The following PROSER2 variants were observed in gnomAD, a reference collection of about 807,000 sequenced individuals.
PROSER2 encodes the protein proline and serine rich 2.
In PROSER2, 18 loss-of-function variants were observed where a neutral mutation model predicts 14.6. The observed-to-expected ratio is 1.23, with a 90% CI of 0.85 to 1.83. The LOEUF (loss-of-function observed/expected upper bound fraction) is 1.83. PROSER2 is among the 40% of genes most tolerant of loss of function. The pLI is 0.00. For synonymous variants in PROSER2, 367 were observed against 286.4 expected (o/e 1.28, Z -2.84); for missense variants, 823 against 629.8 (o/e 1.31, Z -3.28).
At chr10:11,845,027 TA>T (rs1833903648) in intron 1 of PROSER2, among the ~76,000 whole-genome samples, 1 of 152,192 alleles carries the variant, frequency 6.6e-6, no homozygotes, top group African/African-American at 2.4e-5. Context: ...TTTTTGTTAT[TA>T]CAGACAATCC....
chr10:11,849,995 G>A (rs139789694), intron 1 of PROSER2: 2 of 152,416 alleles, frequency 1.3e-5, no homozygotes, highest in African/African-American at 4.8e-5. Flanking sequence ...TTCAGCAGAT[G>A]TGGCCCTGGA....
In PROSER2 at chr10:11,836,003, T is replaced by C. The variant is rs991360134; in HGVS notation, c.-82+12533T>C. Among the ~76,000 whole-genome samples, 2 of 152,020 alleles carry C rather than the reference T, an allele frequency of 1.3e-5. No homozygotes were observed. The highest frequency in any genetic ancestry group is 1.3e-4 in the Admixed American group (2 of 15,268). On this transcript the variant is annotated intron_variant, in intron 1 of 3. Coordinates refer to ENST00000277570, the MANE Select transcript of PROSER2 (RefSeq NM_153256.4). This position sits in a 1 kb window ranked among gnomAD's most constrained non-coding sequence, Gnocchi z 4.6. ...TTTTGAAAAGGGCTTGGCTGTTAAG[T>C]CACCATATAGGGATTTTGGGGGGAT...
intron 2 of PROSER2, among the ~76,000 whole-genome samples, chr10:11,864,915 C>T (rs1834317006): frequency 6.6e-6 from 1 of 152,096 alleles, no homozygotes; most frequent in South Asian, 2.1e-4. Context: ...TTGTATGTGA[C>T]CTGCTTTTTC....
rs1239596201 is a variant in PROSER2, at chr10:11,870,141, C to A, written c.1043C>A (p.Ala348Glu). Residue 348 changes from alanine to glutamate, a missense_variant, in exon 4 of 4, where the codon GCG becomes GAG. Ala to Glu is a moderately radical substitution (Grantham distance 107). Coordinates refer to ENST00000277570, the MANE Select transcript of PROSER2 (RefSeq NM_153256.4). ...GPALANGFPS[A>E]HEALKSAPSS... ...GCGCTGGCCAACGGCTTCCCAAGTG[C>A]GCACGAGGCCCTGAAGAGCGCACCC... 4 of 1,411,846 alleles carry A rather than the reference C, an allele frequency of 2.8e-6. No individual in the cohort carries two copies. Among genetic ancestry groups the A allele is most frequent in the Non-Finnish European group, 3.7e-6 (4 of 1,089,446 alleles). 87.5% of individuals were successfully genotyped at this position (1,411,846 alleles called of 1,614,324 possible).
intron 1 of PROSER2, among the ~76,000 whole-genome samples, chr10:11,832,192 A>G (rs1475518618): frequency 6.6e-6 from 1 of 152,136 alleles, no homozygotes; most frequent in Non-Finnish European, 1.5e-5. Flanking sequence ...GACCGCATCA[A>G]TGTTTCAAAC....
intron 1 of PROSER2, among the ~76,000 whole-genome samples, chr10:11,845,751 G>A (rs971886612): frequency 2.6e-5 from 4 of 152,128 alleles, no homozygotes; most frequent in African/African-American, 7.2e-5. Context: ...CTGGCAGCCT[G>A]CCTTGCGTGC....
intron 1 of PROSER2, among the ~76,000 whole-genome samples, chr10:11,826,557 T>C (rs138607453): frequency 3.5e-4 from 53 of 152,296 alleles, no homozygotes; most frequent in African/African-American, 1.2e-3. Flanking sequence ...CCCCCGCCTT[T>C]TTATTTATGT....
rs1475450403 is a variant in PROSER2 at position 11,837,722 on chromosome 10, G to A, written c.-82+14252G>A. ...TCTGTAGGGAATCCAAGTCTTATAA[G>A]ACACGATTTCTTTCCCTCACATTTC... On this transcript the variant is annotated intron_variant, in intron 1 of 3. Transcript: ENST00000277570. The surrounding 1 kb of genome is among the most constrained non-coding windows in gnomAD (Gnocchi z 4.6). Among the ~76,000 whole-genome samples the A allele has an allele frequency of 6.6e-6, 1 of 152,212 alleles. No homozygotes were observed. The highest frequency in any genetic ancestry group is 1.5e-5 in the Non-Finnish European group (1 of 68,040).
At chr10:11,826,192 G>T (rs1219084140) in intron 1 of PROSER2, among the ~76,000 whole-genome samples, 1 of 152,048 alleles carries the variant, frequency 6.6e-6, no homozygotes, top group African/African-American at 2.4e-5. Context: ...TCCGTGTCGC[G>T]GCGTGTATCG....
chr10:11,870,633 G>T lies in PROSER2; in HGVS notation c.*227G>T. 1 of 457,986 alleles carries T rather than the reference G, an allele frequency of 2.2e-6. No homozygotes were observed. The highest frequency in any genetic ancestry group is 3.9e-6 in the Non-Finnish European group (1 of 253,202). The allele number at this position is 457,986 out of a possible 1,614,324, so 28.4% of individuals were successfully genotyped here. On this transcript the variant is annotated 3_prime_UTR_variant, in exon 4 of 4. Coordinates refer to ENST00000277570, the MANE Select transcript of PROSER2 (RefSeq NM_153256.4). ...AACTCTTCCCTAAAGGAATCTGGCC[G>T]AGGGCTTGTCTCCCTTTTCCCAAGA...
rs1201335783 is a variant in PROSER2, at chr10:11,837,010, C to T, written c.-82+13540C>T. 6.6e-6 allele frequency among the ~76,000 whole-genome samples: 1 copy of T among 152,170 alleles called. No homozygotes were observed. Among genetic ancestry groups the T allele is most frequent in the Admixed American group, 6.5e-5 (1 of 15,280 alleles). On this transcript the variant is annotated intron_variant, in intron 1 of 3. Transcript: ENST00000277570. The surrounding 1 kb of genome is among the most constrained non-coding windows in gnomAD (Gnocchi z 4.6). Reference sequence around the variant, plus strand: ...ATGCGAATCCTCCTTTGCCCGGAGTCCCCACCTGCCCATCACTTAGTAGCC... The same window carrying T: ...ATGCGAATCCTCCTTTGCCCGGAGTTCCCACCTGCCCATCACTTAGTAGCC...
intron 1 of PROSER2, 103 bp from the exon 2 acceptor site, chr10:11,851,894 C>G: frequency 2.0e-6 from 1 of 501,162 alleles, no homozygotes; most frequent in Non-Finnish European, 3.2e-6. Context: ...CCCTAATGGT[C>G]GAGTCTGAGA....
At position 11,852,107 on chromosome 10, in the gene PROSER2, A is replaced by G; in HGVS notation, c.30A>G (p.Ala10=). Residue 10 remains alanine, a synonymous_variant, in exon 2 of 4, where the codon GCA becomes GCG. Transcript: ENST00000277570. ...CTGTAACCCACCGGAAATCAGACGCATCTGACATGAACTCAGACACGTCCC... is the reference window on the plus strand; with the variant it reads ...CTGTAACCCACCGGAAATCAGACGCGTCTGACATGAACTCAGACACGTCCC... MPVTHRKSD[A]SDMNSDTSPS... 1 of 1,613,530 alleles carries G rather than the reference A, an allele frequency of 6.2e-7. No homozygotes were observed. The highest frequency in any genetic ancestry group is 8.5e-7 in the Non-Finnish European group (1 of 1,179,772).
At chr10:11,824,373 C>A (rs529672990) in intron 1 of PROSER2, among the ~76,000 whole-genome samples, 1 of 152,264 alleles carries the variant, frequency 6.6e-6, no homozygotes, top group Non-Finnish European at 1.5e-5. Context: ...AAAGACCAAA[C>A]CAGGCGTACG....
In PROSER2 at chr10:11,869,485, T is replaced by C. The variant is rs1259004603; in HGVS notation, c.392-5T>C. 6.2e-7 allele frequency: 1 copy of C among 1,611,164 alleles called. No individual in the cohort carries two copies. Among genetic ancestry groups the C allele is most frequent in the African/African-American group, 1.3e-5 (1 of 74,902 alleles). On this transcript the variant is annotated splice_polypyrimidine_tract_variant and splice_region_variant and intron_variant, in intron 3 of 3. Coordinates refer to ENST00000277570, the MANE Select transcript of PROSER2 (RefSeq NM_153256.4). This position sits in a 1 kb window ranked among gnomAD's most constrained non-coding sequence, Gnocchi z 4.4. Reference sequence around the variant, plus strand: ...TGGCTCACAGGCTCCTCCCTTGTCTTCCAGGGCCTGCACCTGCTGGGAAGG... The same window carrying C: ...TGGCTCACAGGCTCCTCCCTTGTCTCCCAGGGCCTGCACCTGCTGGGAAGG...
intron 2 of PROSER2, among the ~76,000 whole-genome samples, chr10:11,861,029 C>T (rs1292535708): frequency 6.6e-6 from 1 of 152,128 alleles, no homozygotes; most frequent in Non-Finnish European, 1.5e-5. Context: ...TTGCTTGAAC[C>T]TGGGAGGTGG....
intron 1 of PROSER2, among the ~76,000 whole-genome samples, chr10:11,839,169 C>T (rs2131055275): frequency 6.6e-6 from 1 of 152,252 alleles, no homozygotes; most frequent in Admixed American, 6.5e-5. Context: ...GTCGGATAAC[C>T]TTCTTGGCTT....
At chr10:11,860,227 C>A (rs1305556623) in intron 2 of PROSER2, among the ~76,000 whole-genome samples, 1 of 152,226 alleles carries the variant, frequency 6.6e-6, no homozygotes, top group African/African-American at 2.4e-5. Flanking sequence ...AGCACTCACT[C>A]CAGCCCCACA....
Position 11,852,110 on chromosome 10 carries a change from T to C in PROSER2, c.33T>C (p.Ser11=). 1.2e-6 allele frequency: 2 copies of C among 1,613,524 alleles called. No individual in the cohort carries two copies. The highest frequency in any genetic ancestry group is 1.7e-6 in the Non-Finnish European group (2 of 1,179,746). MPVTHRKSDA[S]DMNSDTSPSC... is the part of the protein sequence containing the mutation. Reference sequence around the variant, plus strand: ...TAACCCACCGGAAATCAGACGCATCTGACATGAACTCAGACACGTCCCCCA... The same window carrying C: ...TAACCCACCGGAAATCAGACGCATCCGACATGAACTCAGACACGTCCCCCA... The change falls in exon 2 of 4, where the codon TCT becomes TCC. Residue 11 remains serine, a synonymous_variant. Transcript: ENST00000277570.
Sources: gnomAD v4.1 joint callset for allele counts (sites outside exome capture counted in the v4.1 genomes callset) on GRCh38, gnomAD v4.1.1 for gene constraint, Gnocchi (gnomAD v3.1) non-coding constraint, MANE v1.5 for transcripts, NCBI Gene and HGNC (gene_info 2026-07-23, HGNC 2026-07-21) for gene names.